AMZ1: variants seen among roughly 807,000 people sequenced by gnomAD.
The protein encoded by AMZ1 is archaemetzincin-1.
In AMZ1, 39 loss-of-function variants were observed where a neutral mutation model predicts 29.9. The observed-to-expected ratio is 1.30, with a 90% CI of 1.01 to 1.70. The LOEUF is 1.70. AMZ1 is among the 40% of genes most tolerant of loss of function. The pLI, the probability that AMZ1 is intolerant of heterozygous loss-of-function variation, is 0.00. For synonymous variants in AMZ1, 458 were observed against 304.0 expected (o/e 1.51, Z -5.27); for missense variants, 1,041 against 680.6 (o/e 1.53, Z -5.89).
rs1368446349 is a variant in AMZ1 at position 2,715,978 on chromosome 7, C to A, written c.*3100C>A. The A allele has an allele frequency of 6.6e-6, 1 of 151,996 alleles. No homozygotes were observed. The highest frequency in any genetic ancestry group is 2.4e-5 in the African/African-American group (1 of 41,444). The allele number at this position is 151,996 out of a possible 1,614,324, so 9.4% of individuals were successfully genotyped here. A position where few individuals can be genotyped will look rare whatever the true frequency, so the allele number is the denominator to read the frequency against. On this transcript the variant is annotated 3_prime_UTR_variant, in exon 7 of 7. Transcript: ENST00000683327. Reference sequence around the variant, plus strand: ...CTTTCTCGTCTCATCTGTCAGAAGCCCCTGCATTCACAAGGATGGGTCTTC... The same window carrying A: ...CTTTCTCGTCTCATCTGTCAGAAGCACCTGCATTCACAAGGATGGGTCTTC...
At chr7:2,701,141 G>T (rs1351618856) in intron 2 of AMZ1, among the ~76,000 whole-genome samples, 5 of 152,184 alleles carry the variant, frequency 3.3e-5, no homozygotes, top group African/African-American at 1.2e-4. Flanking sequence ...TGAGGCAGGA[G>T]AATCGCTTGA....
chr7:2,703,431 G>A (rs1396125562), intron 3 of AMZ1, among the ~76,000 whole-genome samples: 2 of 152,144 alleles, frequency 1.3e-5, no homozygotes, highest in African/African-American at 2.4e-5. Flanking sequence ...GTGAGTCACC[G>A]TCACTGGCTT....
chr7:2,758,969 G>A (rs893530033), intron 4 of AMZ1, among the ~76,000 whole-genome samples: 10 of 151,968 alleles, frequency 6.6e-5, no homozygotes, highest in South Asian at 4.2e-4. Flanking sequence ...GTGAAACACC[G>A]TCTCTACTAA....
chr7:2,751,412 AAC>A (rs1491447571), intron 4 of AMZ1, among the ~76,000 whole-genome samples: 1 of 151,420 alleles, frequency 6.6e-6, no homozygotes, highest in Non-Finnish European at 1.5e-5. Context: ...AAAAAAAAAA[AAC>A]AGCTTATAGA....
chr7:2,723,926 TGA>T (rs2115251358), downstream of AMZ1, among the ~76,000 whole-genome samples: 1 of 152,264 alleles, frequency 6.6e-6, no homozygotes, highest in East Asian at 1.9e-4. Flanking sequence ...GATTTTTTTT[TGA>T]GACAGTCTTG....
intron 1 of AMZ1, among the ~76,000 whole-genome samples, chr7:2,689,792 A>G (rs1405603659): frequency 6.6e-6 from 1 of 151,754 alleles, no homozygotes; most frequent in East Asian, 1.9e-4. Context: ...ACAGCGAGAA[A>G]CCTCCATCTG....
chr7:2,681,349 A>G (rs1185575876), intron 1 of AMZ1, among the ~76,000 whole-genome samples: 2 of 151,892 alleles, frequency 1.3e-5, no homozygotes, highest in African/African-American at 2.4e-5. Flanking sequence ...TCAGCCTCCT[A>G]GGTGCATGCC....
chr7:2,710,830 C>T (rs1022887607), intron 6 of AMZ1, among the ~76,000 whole-genome samples: 26 of 152,274 alleles, frequency 1.7e-4, no homozygotes, highest in African/African-American at 3.1e-4. Flanking sequence ...GTACAGGTGG[C>T]GTGATGGCTG....
In AMZ1 at chr7:2,731,838, G is replaced by A; in HGVS notation, n.550+22022G>A. 4 of 693,042 alleles carry A rather than the reference G, an allele frequency of 5.8e-6. No homozygotes were observed. Among genetic ancestry groups the A allele is most frequent in the Middle Eastern group, 2.7e-4 (1 of 3,684 alleles). 42.9% of individuals were successfully genotyped at this position (693,042 alleles called of 1,614,324 possible). On this transcript the variant is annotated intron_variant and non_coding_transcript_variant, in intron 4 of 4. Coordinates refer to the AMZ1 transcript ENST00000489665. This position sits in a 1 kb window ranked among gnomAD's most constrained non-coding sequence, Gnocchi z 6.0. ...CAAAAAGATGGCAAAAAGATAAGAA[G>A]GAAAGAGACTGACTTTTGCAACAGG...
Position 2,709,185 on chromosome 7 carries a change from C to G in AMZ1, c.712C>G (p.Leu238Val). ...EAAADGPEAP[L>V]QDRGWALCFS... ...AGCAGCAGACGGCCCCGAGGCCCCC[C>G]TGCAGGACAGGGGCTGGGCCCTGTG... is the stretch of plus-strand genomic sequence containing the variant. The change falls in exon 5 of 7, where the codon CTG becomes GTG. Residue 238 changes from leucine to valine, a missense_variant. Coordinates refer to ENST00000683327, the MANE Select transcript of AMZ1 (RefSeq NM_001384743.1). The G allele has an allele frequency of 6.5e-7, 1 of 1,539,114 alleles. No individual in the cohort carries two copies. The highest frequency in any genetic ancestry group is 8.7e-7 in the Non-Finnish European group (1 of 1,144,986).
In AMZ1 at chr7:2,714,743, A is replaced by G. The variant is rs1341403458; in HGVS notation, c.*1865A>G. 1 of 152,188 alleles carries G rather than the reference A, an allele frequency of 6.6e-6. No individual in the cohort carries two copies. Among genetic ancestry groups the G allele is most frequent in the Non-Finnish European group, 1.5e-5 (1 of 68,028 alleles). 9.4% of individuals were successfully genotyped at this position (152,188 alleles called of 1,614,324 possible). A position where few individuals can be genotyped will look rare whatever the true frequency, so the allele number is the denominator to read the frequency against. On this transcript the variant is annotated 3_prime_UTR_variant, in exon 7 of 7. Transcript: ENST00000683327. ...TTCGTTCACACGGCTGCCAAGTGGA[A>G]TTTGGCTGGGAATCTCAGGCCTTGG... is the stretch of plus-strand genomic sequence containing the variant.
In AMZ1 at chr7:2,712,646, T is replaced by C; in HGVS notation, c.1265T>C (p.Val422Ala). ...AMCIQALQREVAEEDLVQVDR... is the reference protein window; with the variant it reads ...AMCIQALQREAAEEDLVQVDR... Reference sequence around the variant, plus strand: ...TGCATCCAGGCCCTGCAGCGGGAAGTGGCAGAGGAGGACCTGGTGCAGGTG... The same window carrying C: ...TGCATCCAGGCCCTGCAGCGGGAAGCGGCAGAGGAGGACCTGGTGCAGGTG... Residue 422 changes from valine to alanine, a missense_variant, in exon 7 of 7, where the codon GTG becomes GCG. Transcript: ENST00000683327. 6.2e-7 allele frequency: 1 copy of C among 1,613,016 alleles called. No individual in the cohort carries two copies. Among genetic ancestry groups the C allele is most frequent in the South Asian group, 1.1e-5 (1 of 91,072 alleles).
upstream of AMZ1, among the ~76,000 whole-genome samples, chr7:2,764,328 C>T (rs1791712918): frequency 6.6e-6 from 1 of 151,912 alleles, no homozygotes; most frequent in Admixed American, 6.6e-5. Context: ...AGTGATCCTC[C>T]CATCTCAGCC....
rs1408036893 is a variant in AMZ1 at position 2,711,902 on chromosome 7, A to G, written c.949-428A>G. Among the ~76,000 whole-genome samples the G allele has an allele frequency of 2.6e-5, 4 of 152,246 alleles. No individual in the cohort carries two copies. In the South Asian group the frequency reaches 8.3e-4, roughly 32 times the overall value. Reference sequence around the variant, plus strand: ...CCACTAAAAAATGTAAAAATTAGCCAGGCATGCTGGCAGGAACCTGTAAAA... The same window carrying G: ...CCACTAAAAAATGTAAAAATTAGCCGGGCATGCTGGCAGGAACCTGTAAAA... On this transcript the variant is annotated intron_variant, in intron 6 of 6. Transcript: ENST00000683327.
intron 4 of AMZ1, among the ~76,000 whole-genome samples, chr7:2,735,081 G>C (rs1157111803): frequency 2.0e-5 from 3 of 150,986 alleles, no homozygotes; most frequent in African/African-American, 7.3e-5. Flanking sequence ...ACCCTGACAG[G>C]AAGCAGCTGG....
intron 4 of AMZ1, among the ~76,000 whole-genome samples, chr7:2,750,837 C>T (rs1017156919): frequency 7.2e-5 from 11 of 152,124 alleles, no homozygotes; most frequent in African/African-American, 1.2e-4. Context: ...TCGGATATGG[C>T]GAAAGTTTTA....
intron 4 of AMZ1, among the ~76,000 whole-genome samples, chr7:2,756,930 C>A (rs571741575): frequency 4.0e-5 from 6 of 151,882 alleles, no homozygotes; most frequent in Non-Finnish European, 8.8e-5. Context: ...AAAAAGTAGC[C>A]GGGTGTGGTG....
At chr7:2,685,561 A>G (rs1216907409), upstream of AMZ1, among the ~76,000 whole-genome samples, 3 of 93,286 alleles carry the variant, frequency 3.2e-5, no homozygotes, top group African/African-American at 9.9e-5. Flanking sequence ...CTCCGTCTCA[A>G]AAAAAAAAAA....
intron 6 of AMZ1, 110 bp from the exon 7 acceptor site, chr7:2,712,220 T>TA (rs1281678478): frequency 1.1e-5 from 13 of 1,201,876 alleles, no homozygotes; most frequent in African/African-American, 1.6e-5. Context: ...CTCCCGCCCC[T>TA]GGGTAACTGA....
Sources: gnomAD v4.1 joint callset for allele counts (sites outside exome capture counted in the v4.1 genomes callset) on GRCh38, gnomAD v4.1.1 for gene constraint, Gnocchi (gnomAD v3.1) non-coding constraint, MANE v1.5 for transcripts, NCBI Gene and HGNC (gene_info 2026-07-23, HGNC 2026-07-21) for gene names.